Variants in CACNA2D4 observed in about 807,000 individuals in gnomAD.
The protein encoded by CACNA2D4 is calcium voltage-gated channel auxiliary subunit alpha2delta 4.
CACNA2D4 carries 157 observed loss-of-function variants against 163.8 expected under a neutral mutation model. The ratio of observed to expected loss-of-function variants is 0.96; its 90% CI spans 0.84 to 1.09. CACNA2D4 has a LOEUF of 1.09. Ranked by LOEUF, CACNA2D4 falls within the 50% of genes least tolerant of loss-of-function variation. CACNA2D4 has a pLI of 0.00. For missense variants in CACNA2D4, 1,410 were observed against 1,479.9 expected, an observed-to-expected ratio of 0.95 and a Z score of 0.78; for synonymous variants, 598 against 586.9, an observed-to-expected ratio of 1.02 and a Z score of -0.27.
chr12:1,806,147 A>G lies in CACNA2D4; in HGVS notation c.2721+4131T>C, dbSNP rs1863529338. Among the ~76,000 whole-genome samples the G allele has an allele frequency of 6.6e-6, 1 of 152,156 alleles. No homozygotes were observed. Among genetic ancestry groups the G allele is most frequent in the Admixed American group, 6.5e-5 (1 of 15,280 alleles). On this transcript the variant is annotated intron_variant, in intron 29 of 37. Coordinates refer to ENST00000382722, the MANE Select transcript of CACNA2D4 (RefSeq NM_172364.5). This position sits in a 1 kb window ranked among gnomAD's most constrained non-coding sequence, Gnocchi z 4.1. ...GCTGCCCCTTGAAGATCCACTTTGA[A>G]GCTTCCATGGGTGGGTGCCGCCCAG...
At chr12:1,863,258 G>T (rs1387484618) in intron 18 of CACNA2D4, among the ~76,000 whole-genome samples, 1 of 152,110 alleles carries the variant, frequency 6.6e-6, no homozygotes, top group Non-Finnish European at 1.5e-5. Context: ...GGCTATTTCT[G>T]GGTTCTCTAT....
At chr12:1,795,605 CCCTACAGACACCT>C in intron 36 of CACNA2D4, 50 bp downstream of exon 36, 1 of 1,184,984 alleles carries the variant, frequency 8.4e-7, no homozygotes, top group Non-Finnish European at 1.3e-6. Flanking sequence ...AAAATCTGAG[CCCTACAGACACCT>C]CCTACAGCCC....
At position 1,918,544 on chromosome 12, in the gene CACNA2D4, G is replaced by A; in HGVS notation, c.-71C>T. 8.2e-7 allele frequency: 1 copy of A among 1,225,894 alleles called. No individual in the cohort carries two copies. The highest frequency in any genetic ancestry group is 1.2e-6 in the Non-Finnish European group (1 of 868,752). The allele number at this position is 1,225,894 out of a possible 1,614,324, so 75.9% of individuals were successfully genotyped here. A position where few individuals can be genotyped will look rare whatever the true frequency, so the allele number is the denominator to read the frequency against. On this transcript the variant is annotated 5_prime_UTR_variant, in exon 1 of 38. Coordinates refer to ENST00000382722, the MANE Select transcript of CACNA2D4 (RefSeq NM_172364.5). ...TTGTCTTCCGTGCCTTGGCGAGCCT[G>A]GGGTCTCCAGCCTCTCAGTCCTGGG...
intron 26 of CACNA2D4, among the ~76,000 whole-genome samples, chr12:1,812,118 G>T (rs528271651): frequency 6.6e-6 from 1 of 152,158 alleles, no homozygotes; most frequent in African/African-American, 2.4e-5. Context: ...ACCAAATCAC[G>T]TGACCAAGAG....
Position 1,906,566 on chromosome 12 carries a change from G to T in CACNA2D4, c.781+874C>A, listed in dbSNP as rs373128954. On this transcript the variant is annotated intron_variant, in intron 6 of 37. Coordinates refer to ENST00000382722, the MANE Select transcript of CACNA2D4 (RefSeq NM_172364.5). ...GACTGTGTTGTTTACATATAAGTTG[G>T]TGTCTCTGGAAGCCCTGATGTGGCA... Among the ~76,000 whole-genome samples the T allele has an allele frequency of 2.4e-4, 37 of 152,336 alleles. No homozygotes were observed. The South Asian group carries it at 7.5e-3, about 31-fold the overall frequency.
Position 1,818,035 on chromosome 12 carries a change from T to C in CACNA2D4, c.2552-6312A>G, listed in dbSNP as rs367834916. Among the ~76,000 whole-genome samples the C allele has an allele frequency of 4.2e-4, 64 of 151,062 alleles. 3 individuals carry two copies. The East Asian group carries it at 7.8e-3, about 19-fold the overall frequency. Reference sequence around the variant, plus strand: ...CCCGGCCGCCATCCCATCTAGGAAGTGAGGAGCGTCTCTGCCCGGCCGCCC... The same window carrying C: ...CCCGGCCGCCATCCCATCTAGGAAGCGAGGAGCGTCTCTGCCCGGCCGCCC... On this transcript the variant is annotated intron_variant, in intron 26 of 37. Transcript: ENST00000382722.
At chr12:1,810,688 T>A in intron 27 of CACNA2D4, 101 bp from the exon 28 acceptor site, 1 of 1,160,886 alleles carries the variant, frequency 8.6e-7, no homozygotes, top group Admixed American at 2.0e-5. Flanking sequence ...GCAGTGTGTG[T>A]GCATGTGTGC....
Position 1,793,757 on chromosome 12 carries a change from C to T in CACNA2D4, c.3312G>A (p.Glu1104=). Residue 1104 remains glutamate, a splice_region_variant and synonymous_variant, in exon 38 of 38, where the codon GAG becomes GAA. Coordinates refer to ENST00000382722, the MANE Select transcript of CACNA2D4 (RefSeq NM_172364.5). ...PDSCHAFHPE[E]NAQDCGGASD... Reference sequence around the variant, plus strand: ...AGGCGCCGCCGCAGTCCTGGGCATTCTCCTGCGAACGCAGAGCAGAGGTGA... The same window carrying T: ...AGGCGCCGCCGCAGTCCTGGGCATTTTCCTGCGAACGCAGAGCAGAGGTGA... 6.2e-7 allele frequency: 1 copy of T among 1,612,682 alleles called. No homozygotes were observed. The highest frequency in any genetic ancestry group is 8.5e-7 in the Non-Finnish European group (1 of 1,179,658).
intron 24 of CACNA2D4, among the ~76,000 whole-genome samples, chr12:1,845,292 C>T (rs1865119089): frequency 6.6e-6 from 1 of 151,256 alleles, no homozygotes; most frequent in South Asian, 2.1e-4. Flanking sequence ...TGCCTCGAAT[C>T]TCCTGCTTCC....
intron 18 of CACNA2D4, among the ~76,000 whole-genome samples, chr12:1,861,812 T>C (rs1359823027): frequency 6.6e-6 from 1 of 152,134 alleles, no homozygotes; most frequent in Non-Finnish European, 1.5e-5. Context: ...TTAGCTTCGA[T>C]ACATGTATCC....
chr12:1,847,097 A>C (rs563008343), intron 23 of CACNA2D4, among the ~76,000 whole-genome samples: 1 of 152,248 alleles, frequency 6.6e-6, no homozygotes, highest in South Asian at 2.1e-4. Flanking sequence ...AGCCCTCCTC[A>C]TACTTCCCTT....
chr12:1,872,688 G>C (rs975293320), intron 18 of CACNA2D4, among the ~76,000 whole-genome samples: 10 of 152,168 alleles, frequency 6.6e-5, no homozygotes, highest in African/African-American at 1.2e-4. Flanking sequence ...GGCAGCCTAA[G>C]ACATCAGAGC....
chr12:1,898,567 T>TA (rs1001854830), intron 6 of CACNA2D4, among the ~76,000 whole-genome samples: 689 of 68,200 alleles, frequency 0.01, 11 homozygotes, highest in African/African-American at 0.031. Context: ...CCAGGAAAAC[T>TA]AAAAAAAAAC....
At position 1,793,542 on chromosome 12, in the gene CACNA2D4, C is replaced by T. The variant is rs534189781; in HGVS notation, c.*113G>A. On this transcript the variant is annotated 3_prime_UTR_variant, in exon 38 of 38. Coordinates refer to ENST00000382722, the MANE Select transcript of CACNA2D4 (RefSeq NM_172364.5). ...GCCACCAGCCCAGGATTGAGAGGAG[C>T]GTTGGCCTGGGGGCGACCCAACTGC... The T allele has an allele frequency of 4.4e-5, 38 of 857,464 alleles. No individual in the cohort carries two copies. Among genetic ancestry groups the T allele is most frequent in the Non-Finnish European group, 6.6e-5 (34 of 513,976 alleles). 53.1% of individuals were successfully genotyped at this position (857,464 alleles called of 1,614,324 possible).
intron 19 of CACNA2D4, among the ~76,000 whole-genome samples, chr12:1,859,238 T>A (rs1489894559): frequency 6.6e-6 from 1 of 152,078 alleles, no homozygotes; most frequent in East Asian, 1.9e-4. Flanking sequence ...GCTCCTGTAC[T>A]GTCCCAGGTA....
chr12:1,866,787 A>ATTT (rs34111398), intron 18 of CACNA2D4, among the ~76,000 whole-genome samples: 116 of 136,538 alleles, frequency 8.5e-4, no homozygotes, highest in African/African-American at 3.0e-3. Context: ...CACCTGGCTA[A>ATTT]TTTTTTTTTT....
intron 18 of CACNA2D4, among the ~76,000 whole-genome samples, chr12:1,867,589 C>A (rs1592721265): frequency 6.6e-6 from 1 of 152,188 alleles, no homozygotes; most frequent in East Asian, 1.9e-4. Flanking sequence ...TGACTAATAC[C>A]TTCTGCATAG....
rs1336140429 is a variant in CACNA2D4, at chr12:1,799,072, G to C, written c.2995+603C>G. Among the ~76,000 whole-genome samples, 1 of 152,206 alleles carries C rather than the reference G, an allele frequency of 6.6e-6. No individual in the cohort carries two copies. Among genetic ancestry groups the C allele is most frequent in the Admixed American group, 6.5e-5 (1 of 15,286 alleles). On this transcript the variant is annotated intron_variant, in intron 34 of 37. Transcript: ENST00000382722. The surrounding 1 kb of genome is among the most constrained non-coding windows in gnomAD (Gnocchi z 4.7). ...CCCATGGCAAAGGTTCTAGGAACAC[G>C]GAGGAACTGAGCAGAGCCCGCTGAG...
intron 26 of CACNA2D4, chr12:1,831,452 C>T (rs376511031): frequency 2.3e-5 from 37 of 1,613,988 alleles, no homozygotes; most frequent in Admixed American, 3.3e-5. Context: ...TGCTGCAGGT[C>T]GGGGATAACC....
Sources: allele counts gnomAD v4.1 joint callset (sites outside exome capture counted in the v4.1 genomes callset), GRCh38; gene constraint gnomAD v4.1.1; non-coding constraint Gnocchi (gnomAD v3.1); transcripts MANE v1.5; gene names NCBI Gene and HGNC (gene_info 2026-07-23, HGNC 2026-07-21).